The following CWC22 variants were observed in gnomAD, a reference collection of about 807,000 sequenced individuals.
CWC22 encodes the protein pre-mRNA-splicing factor CWC22 homolog.
A neutral mutation model predicts 117.2 loss-of-function variants in CWC22; 53 were observed. The ratio of observed to expected loss-of-function variants is 0.45; its 90% CI spans 0.36 to 0.57. The LOEUF (loss-of-function observed/expected upper bound fraction) is 0.57, where lower values mean the gene tolerates loss of function less well. Ranked by LOEUF, CWC22 falls within the 20% of genes least tolerant of loss-of-function variation. The pLI, the probability that CWC22 is intolerant of heterozygous loss-of-function variation, is 0.00. For synonymous variants in CWC22, 360 were observed against 355.6 expected, an observed-to-expected ratio of 1.01 and a Z score of -0.14; for missense variants, 980 against 1,068.8, an observed-to-expected ratio of 0.92 and a Z score of 1.16.
At chr2:179,975,918 A>C (rs1687142328) in intron 6 of CWC22, among the ~76,000 whole-genome samples, 1 of 152,192 alleles carries the variant, frequency 6.6e-6, no homozygotes, top group Non-Finnish European at 1.5e-5. Context: ...TAAAACTCAC[A>C]TGGAACCACA....
In CWC22 at chr2:179,945,125, A is replaced by G. The variant is rs1401813457; in HGVS notation, c.*4T>C. ...GCATGTCCAGTTTATGTCATTTTGT[A>G]GAATTATTTTTGTTTTGCTGGAGAC... On this transcript the variant is annotated 3_prime_UTR_variant, in exon 20 of 20. Coordinates refer to ENST00000410053, the MANE Select transcript of CWC22 (RefSeq NM_020943.3). 2 of 1,576,774 alleles carry G rather than the reference A, an allele frequency of 1.3e-6. No homozygotes were observed. The highest frequency in any genetic ancestry group is 3.8e-5 in the Admixed American group (2 of 52,230).
At chr2:179,953,187 A>AG (rs35602730) in intron 16 of CWC22, among the ~76,000 whole-genome samples, 12 of 152,062 alleles carry the variant, frequency 7.9e-5, no homozygotes, top group African/African-American at 2.7e-4. Context: ...TTTCTCAAAG[A>AG]GGGGAAAAAA....
At chr2:179,976,000 G>GA (rs1358673690) in intron 6 of CWC22, among the ~76,000 whole-genome samples, 1 of 152,134 alleles carries the variant, frequency 6.6e-6, no homozygotes, top group African/African-American at 2.4e-5. Context: ...CCCTGACCTG[G>GA]AATCTGCTAC....
intron 5 of CWC22, among the ~76,000 whole-genome samples, chr2:179,979,011 T>C (rs1016152377): frequency 1.5e-4 from 23 of 152,292 alleles, no homozygotes; most frequent in Non-Finnish European, 2.8e-4. Flanking sequence ...TTAGGTTGAA[T>C]TGGACAATGT....
At chr2:180,001,383 T>C (rs977837956) in intron 1 of CWC22, among the ~76,000 whole-genome samples, 11 of 151,926 alleles carry the variant, frequency 7.2e-5, no homozygotes, top group African/African-American at 2.7e-4. Flanking sequence ...TGGAGCGCAG[T>C]GGCATGATCT....
chr2:179,970,077 T>A (rs1204088423), intron 11 of CWC22, among the ~76,000 whole-genome samples: 1 of 152,184 alleles, frequency 6.6e-6, no homozygotes, highest in Non-Finnish European at 1.5e-5. Context: ...GCACCAATAC[T>A]ATGATTCATC....
chr2:179,960,628 ACT>A (rs1436860432), intron 13 of CWC22, among the ~76,000 whole-genome samples: 7 of 151,894 alleles, frequency 4.6e-5, no homozygotes, highest in Non-Finnish European at 8.8e-5. Context: ...ATCTAATATG[ACT>A]CTCATTTTTA....
chr2:179,985,819 A>AGT (rs1687405177), intron 4 of CWC22, among the ~76,000 whole-genome samples: 1 of 145,572 alleles, frequency 6.9e-6, no homozygotes. Flanking sequence ...GAAAAAACAT[A>AGT]GTATATATAT....
intron 14 of CWC22, among the ~76,000 whole-genome samples, chr2:179,957,245 C>G (rs1456313155): frequency 6.6e-6 from 1 of 151,934 alleles, no homozygotes; most frequent in Non-Finnish European, 1.5e-5. Context: ...TACAAACAAG[C>G]ACACTATTAC....
intron 1 of CWC22, among the ~76,000 whole-genome samples, chr2:179,997,769 T>C (rs1687744966): frequency 6.6e-6 from 1 of 152,162 alleles, no homozygotes; most frequent in Non-Finnish European, 1.5e-5. Context: ...TAGGCAGCAA[T>C]GAACTACCGT....
chr2:179,957,186 T>C (rs1686616421), intron 14 of CWC22, among the ~76,000 whole-genome samples: 1 of 152,182 alleles, frequency 6.6e-6, no homozygotes, highest in African/African-American at 2.4e-5. Flanking sequence ...TTTAAGGGTT[T>C]TAATGTATTA....
At chr2:179,954,619 G>T (rs368442750) in intron 15 of CWC22, among the ~76,000 whole-genome samples, 6 of 152,026 alleles carry the variant, frequency 3.9e-5, no homozygotes, top group African/African-American at 1.2e-4. Context: ...AAATATTTTA[G>T]ATCATGCTTT....
At chr2:179,985,766 C>T (rs1355708935) in intron 4 of CWC22, among the ~76,000 whole-genome samples, 1 of 151,768 alleles carries the variant, frequency 6.6e-6, no homozygotes, top group Non-Finnish European at 1.5e-5. Flanking sequence ...TTTTACTATG[C>T]CTAATTTATA....
chr2:179,982,473 A>C (rs1687309315), intron 4 of CWC22, among the ~76,000 whole-genome samples: 1 of 152,194 alleles, frequency 6.6e-6, no homozygotes, highest in Non-Finnish European at 1.5e-5. Flanking sequence ...TGTTTTAAGA[A>C]GACAAATTAG....
intron 11 of CWC22, among the ~76,000 whole-genome samples, chr2:179,968,509 A>G (rs1686947648): frequency 6.6e-6 from 1 of 151,076 alleles, no homozygotes. Context: ...TATAAAATAT[A>G]TATATAATAC....
At chr2:179,978,435 C>A in intron 5 of CWC22, 117 bp from the exon 6 acceptor site, 1 of 1,117,808 alleles carries the variant, frequency 8.9e-7, no homozygotes, top group Non-Finnish European at 1.2e-6. Context: ...TGAAACGACC[C>A]CCAAGTACAG....
intron 16 of CWC22, 128 bp downstream of exon 16, chr2:179,954,077 G>C: frequency 1.8e-6 from 1 of 542,282 alleles, no homozygotes; most frequent in Non-Finnish European, 3.1e-6. Context: ...TAATCTCAAA[G>C]ACAGCAGTTC....
In CWC22 at chr2:180,007,102, C is replaced by T. The variant is rs536649382; in HGVS notation, c.-349G>A. On this transcript the variant is annotated 5_prime_UTR_variant, in exon 1 of 20. Coordinates refer to ENST00000410053, the MANE Select transcript of CWC22 (RefSeq NM_020943.3). ...TCCACCGCGCCGCCATTACACCGGA[C>T]GTACGTCACTTCCTCTTCCCGAGCA... 7.2e-5 allele frequency: 11 copies of T among 152,332 alleles called. No homozygotes were observed. The highest frequency in any genetic ancestry group is 3.4e-3 in the Middle Eastern group (1 of 294). The allele number at this position is 152,332 out of a possible 1,614,324, so 9.4% of individuals were successfully genotyped here.
intron 13 of CWC22, among the ~76,000 whole-genome samples, chr2:179,962,726 C>G (rs1057000551): frequency 2.6e-5 from 4 of 151,760 alleles, no homozygotes; most frequent in Admixed American, 6.6e-5. Context: ...AAACAAGGGT[C>G]AAATAGCATG....
Sources: allele counts gnomAD v4.1 joint callset (sites outside exome capture counted in the v4.1 genomes callset), GRCh38; gene constraint gnomAD v4.1.1; transcripts MANE v1.5; gene names NCBI Gene and HGNC (gene_info 2026-07-23, HGNC 2026-07-21).